MORC1: variants seen among roughly 807,000 people sequenced by gnomAD.
MORC1 encodes MORC family CW-type zinc finger 1, also known as MORC family CW-type zinc finger protein 1.
In MORC1, 59 loss-of-function variants were observed where a neutral mutation model predicts 134.9. The observed-to-expected ratio is 0.44, with a 90% CI of 0.35 to 0.54. The LOEUF (loss-of-function observed/expected upper bound fraction) is 0.54. Among genes scored for constraint, MORC1 ranks in the 20% least tolerant of loss-of-function variants. The pLI is 0.00. For missense variants in MORC1, 947 were observed against 1,134.5 expected, an observed-to-expected ratio of 0.83 and a Z score of 2.37; for synonymous variants, 395 against 391.7, an observed-to-expected ratio of 1.01 and a Z score of -0.10.
chr3:109,034,441 A>C (rs1250240087), intron 15 of MORC1, among the ~76,000 whole-genome samples: 5 of 152,180 alleles, frequency 3.3e-5, no homozygotes, highest in African/African-American at 1.2e-4. Flanking sequence ...GCTGAATGTA[A>C]TTATCCTCCT....
Position 109,099,479 on chromosome 3 carries a change from T to C in MORC1, c.315-13A>G. The C allele has an allele frequency of 6.3e-7, 1 of 1,584,220 alleles. No individual in the cohort carries two copies. Among genetic ancestry groups the C allele is most frequent in the Non-Finnish European group, 8.6e-7 (1 of 1,162,896 alleles). ...TCTCATGGACCCACTATATTAAAAATGAAGAACATCATGTTTTACACCTCA... is the reference window on the plus strand; with the variant it reads ...TCTCATGGACCCACTATATTAAAAACGAAGAACATCATGTTTTACACCTCA... On this transcript the variant is annotated splice_polypyrimidine_tract_variant and intron_variant, in intron 5 of 27. Coordinates refer to ENST00000232603, the MANE Select transcript of MORC1 (RefSeq NM_014429.4).
At chr3:109,092,067 T>C (rs1950740265) in intron 8 of MORC1, among the ~76,000 whole-genome samples, 1 of 152,118 alleles carries the variant, frequency 6.6e-6, no homozygotes. Context: ...GCATGAAATA[T>C]CGGTTTTGGA....
intron 11 of MORC1, among the ~76,000 whole-genome samples, chr3:109,061,548 A>G (rs1559928811): frequency 6.6e-6 from 1 of 152,184 alleles, no homozygotes; most frequent in Admixed American, 6.5e-5. Context: ...CACTAGAAAG[A>G]AGGATTGCTT....
At chr3:109,050,293 T>C (rs1014277221) in intron 14 of MORC1, among the ~76,000 whole-genome samples, 2 of 152,228 alleles carry the variant, frequency 1.3e-5, no homozygotes, top group East Asian at 1.9e-4. Flanking sequence ...AAGTGGCTTA[T>C]AAATAACACA....
At chr3:109,063,371 T>C in intron 9 of MORC1, 140 bp from the exon 10 acceptor site, 1 of 481,438 alleles carries the variant, frequency 2.1e-6, no homozygotes, top group Non-Finnish European at 3.6e-6. Context: ...ATCCAGCTGG[T>C]AAATTAGCAA....
intron 14 of MORC1, among the ~76,000 whole-genome samples, chr3:109,040,245 A>G (rs541726729): frequency 1.1e-4 from 16 of 151,654 alleles, no homozygotes; most frequent in African/African-American, 3.9e-4. Flanking sequence ...AGTATGGCAC[A>G]TTCCAAGCAA....
intron 21 of MORC1, among the ~76,000 whole-genome samples, chr3:108,996,262 ATGTGCGCGTGCGTGCGCGCG>A (rs1333871184): frequency 9.7e-6 from 1 of 103,584 alleles, no homozygotes; most frequent in Non-Finnish European, 2.2e-5. Flanking sequence ...GCCTGTGCAC[ATGTGCGCGTGCGTGCGCGCG>A]CGCGCACACA....
At chr3:109,044,406 A>T (rs1285160714) in intron 14 of MORC1, among the ~76,000 whole-genome samples, 1 of 151,974 alleles carries the variant, frequency 6.6e-6, no homozygotes, top group Non-Finnish European at 1.5e-5. Context: ...AAAATACAAA[A>T]AATTAGCCAG....
At chr3:109,049,741 T>C (rs1949778008) in intron 14 of MORC1, among the ~76,000 whole-genome samples, 1 of 152,168 alleles carries the variant, frequency 6.6e-6, no homozygotes. Context: ...TGAGGGTCAA[T>C]AATGTGTTTA....
chr3:109,095,052 G>A lies in MORC1; in HGVS notation c.440C>T (p.Pro147Leu). The change falls in exon 7 of 28, where the codon CCC becomes CTC. Residue 147 changes from proline to leucine, a missense_variant. Pro to Leu is a moderately conservative substitution (Grantham distance 98). Coordinates refer to ENST00000232603, the MANE Select transcript of MORC1 (RefSeq NM_014429.4). ...TTCTCTGGTTCTTATTAACCATGAG[G>A]GCATTGGAACTACAACCTATTTAAA... Reference protein sequence around the residue: ...ESLSEVVVPMPSWLIRTRESV... With the variant: ...ESLSEVVVPMLSWLIRTRESV... The A allele has an allele frequency of 6.3e-7, 1 of 1,580,432 alleles. No individual in the cohort carries two copies. Among genetic ancestry groups the A allele is most frequent in the Non-Finnish European group, 8.5e-7 (1 of 1,169,912 alleles).
chr3:109,089,408 C>T (rs1260641582), intron 8 of MORC1, among the ~76,000 whole-genome samples: 1 of 152,054 alleles, frequency 6.6e-6, no homozygotes, highest in Non-Finnish European at 1.5e-5. Context: ...AGAATCCATA[C>T]TAACCACATA....
At chr3:109,087,524 T>C (rs1311197514) in intron 8 of MORC1, among the ~76,000 whole-genome samples, 1 of 151,552 alleles carries the variant, frequency 6.6e-6, no homozygotes, top group East Asian at 1.9e-4. Flanking sequence ...AACAGGGAGG[T>C]GAAAGATTTC....
chr3:109,083,308 T>TAAA (rs562094409), intron 8 of MORC1, among the ~76,000 whole-genome samples: 2 of 39,342 alleles, frequency 5.1e-5, no homozygotes, highest in Admixed American at 3.4e-4. Flanking sequence ...AATACTAAGG[T>TAAA]AAAGAAAAAA....
At position 108,984,660 on chromosome 3, in the gene MORC1, C is replaced by T. The variant is rs16855104; in HGVS notation, c.2324+56G>A. On this transcript the variant is annotated intron_variant, in intron 23 of 27. Coordinates refer to ENST00000232603, the MANE Select transcript of MORC1 (RefSeq NM_014429.4). ...TCTTGTATTTAAACATTGATAATTA[C>T]TTTTCAGCAGGATAATTGCACTCAC... 8,049 of 1,280,392 alleles carry T rather than the reference C, an allele frequency of 6.3e-3. 350 individuals are homozygous for T. The African/African-American group carries it at 0.1, about 17-fold the overall frequency. The allele number at this position is 1,280,392 out of a possible 1,614,324, so 79.3% of individuals were successfully genotyped here.
At chr3:109,053,359 G>T (rs1949875057) in intron 14 of MORC1, among the ~76,000 whole-genome samples, 1 of 152,028 alleles carries the variant, frequency 6.6e-6, no homozygotes. Flanking sequence ...CAATAGCAAA[G>T]ACACGGAATC....
At chr3:109,041,482 T>C (rs1275938818) in intron 14 of MORC1, among the ~76,000 whole-genome samples, 1 of 151,598 alleles carries the variant, frequency 6.6e-6, no homozygotes, top group Non-Finnish European at 1.5e-5. Context: ...GAGGCCGAGG[T>C]GGGCGGATCA....
At chr3:108,963,231 A>G (rs1243729652) in intron 27 of MORC1, among the ~76,000 whole-genome samples, 183 bp downstream of exon 27, 4 of 152,100 alleles carry the variant, frequency 2.6e-5, no homozygotes, top group Non-Finnish European at 5.9e-5. Flanking sequence ...GAGTTTCTAA[A>G]TGTTCTAATA....
chr3:109,051,781 A>T (rs1455140033), intron 14 of MORC1, among the ~76,000 whole-genome samples: 1 of 152,140 alleles, frequency 6.6e-6, no homozygotes, highest in East Asian at 1.9e-4. Flanking sequence ...AGAAGGTGAG[A>T]AACAATTAGA....
At chr3:109,010,164 C>T (rs1948650262) in intron 17 of MORC1, among the ~76,000 whole-genome samples, 2 of 152,120 alleles carry the variant, frequency 1.3e-5, no homozygotes, top group South Asian at 4.1e-4. Flanking sequence ...TCTTTACCAT[C>T]TACAAATGTA....
Sources: allele counts gnomAD v4.1 joint callset (sites outside exome capture counted in the v4.1 genomes callset), GRCh38; gene constraint gnomAD v4.1.1; transcripts MANE v1.5; gene names NCBI Gene and HGNC (gene_info 2026-07-23, HGNC 2026-07-21).